Variants in CNTN5 observed in about 807,000 individuals in gnomAD.
The protein encoded by CNTN5 is contactin 5, also known as contactin-5.
A neutral mutation model predicts 129.1 loss-of-function variants in CNTN5; 77 were observed. That is an observed-to-expected ratio of 0.60 (90% confidence interval 0.50 to 0.72). The LOEUF (loss-of-function observed/expected upper bound fraction) is 0.72. CNTN5 is among the 30% of genes least tolerant of loss of function. The pLI is 0.00. For synonymous variants in CNTN5, 509 were observed against 465.6 expected (o/e 1.09, Z -1.20); for missense variants, 1,478 against 1,328.8 (o/e 1.11, Z -1.75).
At chr11:99,344,467 C>T (rs1209614822) in intron 2 of CNTN5, among the ~76,000 whole-genome samples, 2 of 152,164 alleles carry the variant, frequency 1.3e-5, no homozygotes, top group African/African-American at 4.8e-5. Flanking sequence ...TTCATACTAA[C>T]GTTTATCTAT....
At chr11:99,782,574 A>G (rs1213510634) in intron 3 of CNTN5, among the ~76,000 whole-genome samples, 1 of 151,916 alleles carries the variant, frequency 6.6e-6, no homozygotes, top group Non-Finnish European at 1.5e-5. Flanking sequence ...CTGACTTCAA[A>G]CTATACTGCA....
In CNTN5 at chr11:99,483,174, C is replaced by CAA. The variant is rs34200342; in HGVS notation, c.-70-72944_-70-72943dup. 8.9e-4 allele frequency among the ~76,000 whole-genome samples: 53 copies of CAA among 59,548 alleles called. 1 individual carries two copies. The highest frequency in any genetic ancestry group is 1.3e-3 in the African/African-American group (18 of 13,468). The allele number at this position is 59,548 out of a possible 152,430, so 39.1% of individuals were successfully genotyped here. A position where few individuals can be genotyped will look rare whatever the true frequency, so the allele number is the denominator to read the frequency against. On this transcript the variant is annotated intron_variant, in intron 2 of 24. Transcript: ENST00000524871. ...CTGGCAACAGAGTGAGACTCCTTCTCAAAAAAAAAAAAAAAAAAAAAAAAA... is the reference window on the plus strand; with the variant it reads ...CTGGCAACAGAGTGAGACTCCTTCTCAAAAAAAAAAAAAAAAAAAAAAAAAAA...
At position 99,563,523 on chromosome 11, in the gene CNTN5, T is replaced by C. The variant is rs567637318; in HGVS notation, c.55+7254T>C. ...AATGCATATTGCCTTAGTTAGCTTT[T>C]GCAGCATAACAAATCAGCCCACAAT... On this transcript the variant is annotated intron_variant, in intron 3 of 24. Coordinates refer to ENST00000524871, the MANE Select transcript of CNTN5 (RefSeq NM_014361.4). 2.6e-5 allele frequency among the ~76,000 whole-genome samples: 4 copies of C among 152,342 alleles called. 1 individual carries two copies. In the South Asian group the frequency reaches 8.3e-4, roughly 32 times the overall value.
chr11:99,334,359 A>T (rs1357963907), intron 2 of CNTN5, among the ~76,000 whole-genome samples: 3 of 152,160 alleles, frequency 2.0e-5, no homozygotes, highest in Admixed American at 6.5e-5. Context: ...TTGCAAAGAA[A>T]CTTTGAAATA....
At chr11:99,665,478 A>ATTTTTTTTTTTTTTTTTTTTTTTTTTT (rs34435537) in intron 3 of CNTN5, among the ~76,000 whole-genome samples, 3 of 65,920 alleles carry the variant, frequency 4.6e-5, no homozygotes, top group Non-Finnish European at 6.0e-5. Flanking sequence ...TGAAACTACA[A>ATTTTTTTTTTTTTTTTTTTTTTTTTTT]TTTTTTTTTT....
chr11:99,381,060 C>T (rs571101108), intron 2 of CNTN5, among the ~76,000 whole-genome samples: 1 of 152,060 alleles, frequency 6.6e-6, no homozygotes, highest in Non-Finnish European at 1.5e-5. Context: ...TAAAGGATCT[C>T]CAGATGATAT....
chr11:99,968,656 CTTTTTTTTTTTTTTT>C lies in CNTN5; in HGVS notation c.877+11663_877+11677del, dbSNP rs71050037. 2.5e-3 allele frequency among the ~76,000 whole-genome samples: 188 copies of C among 73,924 alleles called. 4 individuals are homozygous for C. The highest frequency in any genetic ancestry group is 8.8e-3 in the African/African-American group (182 of 20,730). The allele number at this position is 73,924 out of a possible 152,430, so 48.5% of individuals were successfully genotyped here. The stretch of plus-strand genomic sequence containing the variant: ...ATGGTAATTGGAATAGCTTTGGGTA[CTTTTTTTTTTTTTTT>C]TTTTTTTTTTTTTTTGTATTTCCCT... On this transcript the variant is annotated intron_variant, in intron 8 of 24. Transcript: ENST00000524871.
intron 9 of CNTN5, among the ~76,000 whole-genome samples, chr11:100,024,816 C>T (rs1359155665): frequency 6.6e-6 from 1 of 152,132 alleles, no homozygotes. Context: ...CAAGAGGTGA[C>T]TTGGGTGCTC....
In CNTN5 at chr11:99,330,353, C is replaced by T. The variant is rs577709380; in HGVS notation, c.-71+4869C>T. ...CTTTGGGCATTAATATTTGCATTCT[C>T]GGGCTCTTGTGGGATATAAGACTAA... On this transcript the variant is annotated intron_variant, in intron 2 of 24. Coordinates refer to ENST00000524871, the MANE Select transcript of CNTN5 (RefSeq NM_014361.4). Among the ~76,000 whole-genome samples the T allele has an allele frequency of 7.9e-5, 12 of 151,852 alleles. No individual in the cohort carries two copies. The East Asian group carries it at 1.4e-3, about 17-fold the overall frequency.
At chr11:99,393,535 G>A (rs1177325619) in intron 2 of CNTN5, among the ~76,000 whole-genome samples, 1 of 151,802 alleles carries the variant, frequency 6.6e-6, no homozygotes, top group Non-Finnish European at 1.5e-5. Flanking sequence ...AAGTCACACA[G>A]CTTGTAGATA....
At chr11:99,659,027 C>T (rs955880683) in intron 3 of CNTN5, among the ~76,000 whole-genome samples, 1 of 152,042 alleles carries the variant, frequency 6.6e-6, no homozygotes, top group Non-Finnish European at 1.5e-5. Context: ...TGCCTCCAAC[C>T]CCTGCCACAG....
At chr11:99,099,917 C>T (rs1866643938) in intron 1 of CNTN5, among the ~76,000 whole-genome samples, 1 of 152,068 alleles carries the variant, frequency 6.6e-6, no homozygotes, top group Non-Finnish European at 1.5e-5. Context: ...ACTCAAAGTA[C>T]CTTTTCCTGA....
At chr11:99,539,291 T>G (rs1948011963) in intron 2 of CNTN5, among the ~76,000 whole-genome samples, 2 of 152,114 alleles carry the variant, frequency 1.3e-5, no homozygotes, top group Admixed American at 1.3e-4. Context: ...TAAAAATCAT[T>G]TGGTAATATT....
chr11:100,014,708 C>G (rs1940731527), intron 9 of CNTN5, among the ~76,000 whole-genome samples: 1 of 152,296 alleles, frequency 6.6e-6, no homozygotes, highest in East Asian at 1.9e-4. Context: ...GTTTGGTTGT[C>G]TATTGTTCCC....
chr11:99,615,160 G>A (rs1296217339), intron 3 of CNTN5, among the ~76,000 whole-genome samples: 1 of 150,900 alleles, frequency 6.6e-6, no homozygotes, highest in Non-Finnish European at 1.5e-5. Flanking sequence ...AATTTACCAA[G>A]ATTAATTATT....
intron 1 of CNTN5, among the ~76,000 whole-genome samples, chr11:99,110,175 C>G (rs1010830833): frequency 6.6e-6 from 1 of 151,926 alleles, no homozygotes; most frequent in Non-Finnish European, 1.5e-5. Context: ...ATTATCCACA[C>G]CAGATGAATG....
At chr11:99,658,103 T>G (rs1952448315) in intron 3 of CNTN5, among the ~76,000 whole-genome samples, 1 of 152,088 alleles carries the variant, frequency 6.6e-6, no homozygotes, top group African/African-American at 2.4e-5. Flanking sequence ...ACAAAACACC[T>G]CTTGTGGAGT....
intron 2 of CNTN5, among the ~76,000 whole-genome samples, chr11:99,530,545 G>A (rs778549553): frequency 5.3e-5 from 8 of 152,168 alleles, no homozygotes; most frequent in Non-Finnish European, 7.3e-5. Context: ...TGGGAAGTGA[G>A]CATTAAAGGA....
intron 2 of CNTN5, among the ~76,000 whole-genome samples, chr11:99,367,169 A>G (rs1326615649): frequency 6.6e-6 from 1 of 152,180 alleles, no homozygotes. Flanking sequence ...CAAATAACCA[A>G]TATAATGTAG....
Sources: gnomAD v4.1 joint callset for allele counts (sites outside exome capture counted in the v4.1 genomes callset) on GRCh38, gnomAD v4.1.1 for gene constraint, MANE v1.5 for transcripts, NCBI Gene and HGNC (gene_info 2026-07-23, HGNC 2026-07-21) for gene names.